MVB12B: variants seen among roughly 807,000 people sequenced by gnomAD.
MVB12B encodes the protein multivesicular body subunit 12B.
MVB12B carries 16 observed loss-of-function variants against 41.6 expected under a neutral mutation model. The observed-to-expected ratio is 0.38, with a 90% CI of 0.26 to 0.58. The LOEUF (loss-of-function observed/expected upper bound fraction) is 0.58, where lower values mean the gene tolerates loss of function less well. Ranked by LOEUF, MVB12B falls within the 20% of genes least tolerant of loss-of-function variation. MVB12B has a pLI of 0.62. For missense variants in MVB12B, 274 were observed against 380.2 expected, an observed-to-expected ratio of 0.72 and a Z score of 2.32; for synonymous variants, 133 against 139.7, an observed-to-expected ratio of 0.95 and a Z score of 0.34.
At position 126,407,201 on chromosome 9, in the gene MVB12B, G is replaced by A. The variant is rs568586019; in HGVS notation, c.662+11504G>A. 2.2e-4 allele frequency among the ~76,000 whole-genome samples: 33 copies of A among 152,284 alleles called. No individual in the cohort carries two copies. In the South Asian group the frequency reaches 6.6e-3, roughly 31 times the overall value. ...GGACTAGGTCTCACTTATTGGTACA[G>A]CACACCTAATGTTTTATGCCTTTCA... On this transcript the variant is annotated intron_variant, in intron 6 of 9. Coordinates refer to ENST00000361171, the MANE Select transcript of MVB12B (RefSeq NM_033446.3).
intron 3 of MVB12B, among the ~76,000 whole-genome samples, chr9:126,383,856 C>G (rs1047030450): frequency 1.3e-5 from 2 of 151,674 alleles, no homozygotes; most frequent in African/African-American, 4.8e-5. Flanking sequence ...TTTTTTGATG[C>G]TTTGTTTTTA....
In MVB12B at chr9:126,388,551, C is replaced by G. The variant is rs184876697; in HGVS notation, c.409+1893C>G. Among the ~76,000 whole-genome samples, 29 of 152,284 alleles carry G rather than the reference C, an allele frequency of 1.9e-4. 2 individuals carry two copies. The East Asian group carries it at 5.2e-3, about 27-fold the overall frequency. On this transcript the variant is annotated intron_variant, in intron 4 of 9. Transcript: ENST00000361171. ...GTTTTCGTTTCTGTTGGGTATCTACCTAGTCATGGAATTGCTGGGTCATAT... is the reference window on the plus strand; with the variant it reads ...GTTTTCGTTTCTGTTGGGTATCTACGTAGTCATGGAATTGCTGGGTCATAT...
chr9:126,360,600 G>T (rs1294185448), intron 2 of MVB12B, among the ~76,000 whole-genome samples: 1 of 152,132 alleles, frequency 6.6e-6, no homozygotes, highest in African/African-American at 2.4e-5. Context: ...CAAGTTGGTT[G>T]ATAGTATTGT....
chr9:126,477,447 C>T (rs117228741), intron 7 of MVB12B, among the ~76,000 whole-genome samples: 1 of 152,150 alleles, frequency 6.6e-6, no homozygotes, highest in East Asian at 1.9e-4. Context: ...GAAGAAATAC[C>T]TAAGACTTCA....
chr9:126,419,231 A>T (rs1831923816), intron 6 of MVB12B, among the ~76,000 whole-genome samples: 1 of 152,108 alleles, frequency 6.6e-6, no homozygotes, highest in Non-Finnish European at 1.5e-5. Context: ...AGGCTTAGAA[A>T]TCTTAGTCTG....
rs1306949346 is a variant in MVB12B at position 126,486,116 on chromosome 9, A to G, written c.873+2084A>G. Among the ~76,000 whole-genome samples the G allele has an allele frequency of 1.3e-5, 2 of 152,248 alleles. No individual in the cohort carries two copies. The highest frequency in any genetic ancestry group is 4.8e-5 in the African/African-American group (2 of 41,462). ...TGTCATAGCAAAAACAAGACAAAAA[A>G]GTCCCCCTTTGTCTTTGATTTTCAG... On this transcript the variant is annotated intron_variant, in intron 9 of 9. Transcript: ENST00000361171. The surrounding 1 kb of genome is among the most constrained non-coding windows in gnomAD (Gnocchi z 4.7).
chr9:126,437,323 T>C (rs1260356973), intron 7 of MVB12B, among the ~76,000 whole-genome samples: 1 of 152,206 alleles, frequency 6.6e-6, no homozygotes, highest in Non-Finnish European at 1.5e-5. Context: ...ACCTCTGAAA[T>C]TGAGTACAGT....
intron 1 of MVB12B, 112 bp downstream of exon 1, chr9:126,327,122 G>A: frequency 2.8e-6 from 1 of 358,660 alleles, no homozygotes; most frequent in African/African-American, 2.2e-5. Context: ...GGGAGGAGCC[G>A]GGCCGCGCCG....
At chr9:126,383,223 G>C (rs1228841563) in intron 3 of MVB12B, among the ~76,000 whole-genome samples, 1 of 152,160 alleles carries the variant, frequency 6.6e-6, no homozygotes, top group Non-Finnish European at 1.5e-5. Context: ...TGTAAAGGAG[G>C]GATGTGGGGT....
intron 7 of MVB12B, among the ~76,000 whole-genome samples, chr9:126,465,548 A>G (rs1472794933): frequency 6.6e-6 from 1 of 151,830 alleles, no homozygotes; most frequent in Non-Finnish European, 1.5e-5. Flanking sequence ...TTCTCTTCCC[A>G]TCGTTACTTA....
intron 7 of MVB12B, among the ~76,000 whole-genome samples, chr9:126,470,711 A>G (rs1324272371): frequency 6.6e-6 from 1 of 151,568 alleles, no homozygotes; most frequent in Non-Finnish European, 1.5e-5. Context: ...AGAACCTCTA[A>G]GAATGTTCGT....
chr9:126,348,824 T>C (rs1829668335), intron 2 of MVB12B, among the ~76,000 whole-genome samples: 1 of 152,192 alleles, frequency 6.6e-6, no homozygotes, highest in Non-Finnish European at 1.5e-5. Flanking sequence ...CCCCCACCAA[T>C]GGTAAAGTCT....
At chr9:126,370,259 G>A (rs1236383706) in intron 2 of MVB12B, among the ~76,000 whole-genome samples, 1 of 152,080 alleles carries the variant, frequency 6.6e-6, no homozygotes, top group Non-Finnish European at 1.5e-5. Context: ...TGCAGGTTCA[G>A]GTTTGTACTC....
At chr9:126,447,071 A>T in intron 7 of MVB12B, among the ~76,000 whole-genome samples, 1 of 150,150 alleles carries the variant, frequency 6.7e-6, no homozygotes, top group Admixed American at 6.6e-5. Context: ...CAACCTCCTG[A>T]GTAGCTAGGA....
intron 8 of MVB12B, among the ~76,000 whole-genome samples, chr9:126,481,781 C>T (rs11787581): frequency 0.2 from 30,771 of 152,224 alleles, 3,710 homozygotes; most frequent in South Asian, 0.28. Context: ...GTGATTAACC[C>T]GACCTGAGCT....
At chr9:126,338,597 TCA>T (rs1261973286) in intron 1 of MVB12B, among the ~76,000 whole-genome samples, 1 of 151,110 alleles carries the variant, frequency 6.6e-6, no homozygotes, top group African/African-American at 2.4e-5. Flanking sequence ...AAAACTTACC[TCA>T]CATGTTCTTT....
intron 6 of MVB12B, chr9:126,408,264 T>C (rs1831507272): frequency 6.6e-6 from 1 of 152,244 alleles, no homozygotes; most frequent in African/African-American, 2.4e-5. Flanking sequence ...TTGGAAAGTG[T>C]GTCAAAACAC....
At chr9:126,420,528 TC>T (rs35558025) in intron 6 of MVB12B, among the ~76,000 whole-genome samples, 2 of 146,376 alleles carry the variant, frequency 1.4e-5, no homozygotes, top group African/African-American at 5.1e-5. Context: ...TGTGGGAACA[TC>T]CCCTCCCTGG....
chr9:126,434,233 T>C (rs946943244), intron 7 of MVB12B, among the ~76,000 whole-genome samples: 1 of 146,096 alleles, frequency 6.8e-6, no homozygotes, highest in African/African-American at 2.5e-5. Context: ...TAGTCCTAAA[T>C]GCATTTATGT....
Sources: gnomAD v4.1 joint callset for allele counts (sites outside exome capture counted in the v4.1 genomes callset) on GRCh38, gnomAD v4.1.1 for gene constraint, Gnocchi (gnomAD v3.1) non-coding constraint, MANE v1.5 for transcripts, NCBI Gene and HGNC (gene_info 2026-07-23, HGNC 2026-07-21) for gene names.